PTPRG: variants seen among roughly 807,000 people sequenced by gnomAD.
PTPRG encodes the protein protein tyrosine phosphatase receptor type G, also known as receptor-type tyrosine-protein phosphatase gamma.
A neutral mutation model predicts 165.3 loss-of-function variants in PTPRG; 102 were observed. The ratio of observed to expected loss-of-function variants is 0.62; its 90% CI spans 0.53 to 0.73. The LOEUF (loss-of-function observed/expected upper bound fraction) is 0.73, where lower values mean the gene tolerates loss of function less well. PTPRG is among the 30% of genes least tolerant of loss of function. The pLI is 0.00. For synonymous variants in PTPRG, 675 were observed against 669.5 expected (o/e 1.01, Z -0.13); for missense variants, 1,866 against 1,861.4 (o/e 1.00, Z -0.05).
chr3:62,079,597 A>C (rs1004274067), intron 5 of PTPRG, among the ~76,000 whole-genome samples: 21 of 152,172 alleles, frequency 1.4e-4, no homozygotes, highest in African/African-American at 3.9e-4. Flanking sequence ...GGTCGTGGTC[A>C]AGTATTTTGG....
chr3:61,811,473 T>C (rs2035574424), intron 2 of PTPRG, among the ~76,000 whole-genome samples: 1 of 152,218 alleles, frequency 6.6e-6, no homozygotes, highest in African/African-American at 2.4e-5. Context: ...TTGACTAATA[T>C]GTCTGCTCTT....
At chr3:61,992,736 G>A (rs928187558) in intron 3 of PTPRG, among the ~76,000 whole-genome samples, 1 of 152,114 alleles carries the variant, frequency 6.6e-6, no homozygotes, top group African/African-American at 2.4e-5. Flanking sequence ...TGGCCAGACT[G>A]CTCTGGAACT....
chr3:61,986,157 T>A (rs879434274), intron 2 of PTPRG, among the ~76,000 whole-genome samples: 9 of 148,640 alleles, frequency 6.1e-5, no homozygotes, highest in Non-Finnish European at 1.3e-4. Flanking sequence ...TATTAAAGAG[T>A]GGAACTCTGC....
chr3:61,744,451 C>T (rs1297283448), intron 1 of PTPRG, among the ~76,000 whole-genome samples: 1 of 152,200 alleles, frequency 6.6e-6, no homozygotes, highest in East Asian at 1.9e-4. Flanking sequence ...CAAACCTGTA[C>T]AATGTGTTAC....
rs182343748 is a variant in PTPRG at position 61,959,175 on chromosome 3, T to C, written c.191-30450T>C. ...TCTAAGGCCTCAATATGACTAGTTA[T>C]GTGTTCCAATTTCAGATTCCCTGCA... On this transcript the variant is annotated intron_variant, in intron 2 of 29. Coordinates refer to ENST00000474889, the MANE Select transcript of PTPRG (RefSeq NM_002841.4). 4.4e-4 allele frequency among the ~76,000 whole-genome samples: 67 copies of C among 152,336 alleles called. No homozygotes were observed. In the East Asian group the frequency reaches 0.013, roughly 29 times the overall value.
chr3:61,719,114 G>C (rs891735016), intron 1 of PTPRG, among the ~76,000 whole-genome samples: 5 of 152,160 alleles, frequency 3.3e-5, no homozygotes, highest in Non-Finnish European at 5.9e-5. Context: ...CAAACAGCAA[G>C]GATTCCAGAC....
At chr3:61,606,702 G>T (rs772228707) in intron 1 of PTPRG, among the ~76,000 whole-genome samples, 1 of 152,208 alleles carries the variant, frequency 6.6e-6, no homozygotes, top group Non-Finnish European at 1.5e-5. Flanking sequence ...TCCTCCAGAG[G>T]GGAGGAACAC....
intron 3 of PTPRG, among the ~76,000 whole-genome samples, chr3:61,992,302 TG>T (rs764205531): frequency 3.4e-4 from 52 of 152,168 alleles, no homozygotes; most frequent in Non-Finnish European, 6.3e-4. Flanking sequence ...TTTAGAAACT[TG>T]GGTGCAGAAA....
intron 1 of PTPRG, among the ~76,000 whole-genome samples, chr3:61,598,836 T>C (rs911330482): frequency 1.3e-5 from 2 of 152,112 alleles, no homozygotes; most frequent in African/African-American, 4.8e-5. Flanking sequence ...TGACATTCTT[T>C]GGCCCGCGGA....
chr3:61,665,798 A>T lies in PTPRG; in HGVS notation c.86-83080A>T, dbSNP rs114484603. 3.3e-3 allele frequency among the ~76,000 whole-genome samples: 503 copies of T among 152,280 alleles called. 2 individuals carry two copies. The highest frequency in any genetic ancestry group is 0.011 in the African/African-American group (473 of 41,548). Reference sequence around the variant, plus strand: ...AACTATGGTCATGCTACTGTACTCCAGTCTGGGCAACAGAATGATACCCCA... The same window carrying T: ...AACTATGGTCATGCTACTGTACTCCTGTCTGGGCAACAGAATGATACCCCA... On this transcript the variant is annotated intron_variant, in intron 1 of 29. Coordinates refer to ENST00000474889, the MANE Select transcript of PTPRG (RefSeq NM_002841.4).
At chr3:62,033,358 T>C (rs913263783) in intron 4 of PTPRG, among the ~76,000 whole-genome samples, 1 of 136,606 alleles carries the variant, frequency 7.3e-6, no homozygotes, top group African/African-American at 2.9e-5. Context: ...CTGCTCCCTA[T>C]ACATTTTTTT....
chr3:61,711,162 A>G (rs183332654), intron 1 of PTPRG, among the ~76,000 whole-genome samples: 1 of 152,232 alleles, frequency 6.6e-6, no homozygotes, highest in Non-Finnish European at 1.5e-5. Context: ...TTCTTTATCC[A>G]GTCTGTCATT....
chr3:61,823,134 G>A (rs1276189537), intron 2 of PTPRG, among the ~76,000 whole-genome samples: 1 of 152,148 alleles, frequency 6.6e-6, no homozygotes, highest in African/African-American at 2.4e-5. Context: ...TGCAAGTTCG[G>A]TTACTTTGGG....
At chr3:61,701,228 CTG>C (rs1307012558) in intron 1 of PTPRG, among the ~76,000 whole-genome samples, 1 of 152,136 alleles carries the variant, frequency 6.6e-6, no homozygotes, top group East Asian at 1.9e-4. Flanking sequence ...TCTTTGGGGA[CTG>C]TGTTTCCTCA....
At chr3:62,192,498 T>C (rs1699861803) in intron 9 of PTPRG, among the ~76,000 whole-genome samples, 1 of 132,332 alleles carries the variant, frequency 7.6e-6, no homozygotes, top group Admixed American at 9.3e-5. Flanking sequence ...AAGCTCCACC[T>C]CCCGGGTTCA....
intron 1 of PTPRG, among the ~76,000 whole-genome samples, chr3:61,595,378 G>C (rs1192997028): frequency 6.6e-6 from 1 of 152,114 alleles, no homozygotes; most frequent in East Asian, 1.9e-4. Context: ...TAAGACTCTG[G>C]GGACTCTAAG....
chr3:62,296,020 T>C lies in PTPRG; in HGVS notation c.*2713T>C, dbSNP rs554624015. 4 of 152,084 alleles carry C rather than the reference T, an allele frequency of 2.6e-5. No homozygotes were observed. The highest frequency in any genetic ancestry group is 9.7e-5 in the African/African-American group (4 of 41,450). 9.4% of individuals were successfully genotyped at this position (152,084 alleles called of 1,614,324 possible). On this transcript the variant is annotated 3_prime_UTR_variant, in exon 30 of 30. Transcript: ENST00000474889. ...CTTAATAAAATAAGCTGTTTGTGTA[T>C]ATGAATTTAGCTCTAGGTAAGCAAA...
chr3:62,220,129 A>G (rs1031034582), intron 13 of PTPRG, among the ~76,000 whole-genome samples: 4 of 152,242 alleles, frequency 2.6e-5, no homozygotes, highest in African/African-American at 9.6e-5. Context: ...TGCACCAGGA[A>G]CAGCCAGAGG....
chr3:61,736,552 A>G (rs1475567600), intron 1 of PTPRG, among the ~76,000 whole-genome samples: 1 of 152,160 alleles, frequency 6.6e-6, no homozygotes, highest in African/African-American at 2.4e-5. Context: ...ATAATATCAA[A>G]AGAAATCTAA....
Sources: gnomAD v4.1 joint callset for allele counts (sites outside exome capture counted in the v4.1 genomes callset) on GRCh38, gnomAD v4.1.1 for gene constraint, MANE v1.5 for transcripts, NCBI Gene and HGNC (gene_info 2026-07-23, HGNC 2026-07-21) for gene names.